PSG6: variants seen among roughly 807,000 people sequenced by gnomAD.
PSG6 encodes the protein pregnancy specific beta-1-glycoprotein 6.
A neutral mutation model predicts 43.3 loss-of-function variants in PSG6; 51 were observed. The observed-to-expected ratio is 1.18, with a 90% CI of 0.94 to 1.49. The LOEUF is 1.49. Ranked by LOEUF, PSG6 falls within the 40% of genes most tolerant of loss-of-function variation. The pLI is 0.00. For missense variants in PSG6, 770 were observed against 522.2 expected, an observed-to-expected ratio of 1.47 and a Z score of -4.62; for synonymous variants, 292 against 197.6, an observed-to-expected ratio of 1.48 and a Z score of -4.01.
At chr19:42,910,537 T>C (rs745569275) in intron 3 of PSG6, 43 bp downstream of exon 3, 6 of 1,612,316 alleles carry the variant, frequency 3.7e-6, no homozygotes, top group Non-Finnish European at 5.1e-6. Context: ...CCACTTGTAT[T>C]TGGGATGGCA....
In PSG6 at chr19:42,906,192, G is replaced by T. The variant is rs984926436; in HGVS notation, c.1240+730C>A. On this transcript the variant is annotated intron_variant, in intron 5 of 5. Coordinates refer to ENST00000187910, the MANE Select transcript of PSG6 (RefSeq NM_001031850.4). ...CATCAGTCACTGTCCTCCGTGCTGT[G>T]TCCCACGTGCTGTGCCCAAAGCCTC... is the stretch of plus-strand genomic sequence containing the variant. Among the ~76,000 whole-genome samples the T allele has an allele frequency of 2.9e-4, 44 of 151,578 alleles. 1 individual carries two copies. Among genetic ancestry groups the T allele is most frequent in the Non-Finnish European group, 1.0e-4 (7 of 67,886 alleles).
chr19:42,916,518 T>C, intron 1 of PSG6, 31 bp from the exon 2 acceptor site: 1 of 1,593,758 alleles, frequency 6.3e-7, no homozygotes, highest in South Asian at 1.2e-5. Flanking sequence ...CAGTTAATAT[T>C]TGGACCTATG....
At chr19:42,916,083 C>G (rs777881509) in intron 2 of PSG6, 42 bp downstream of exon 2, 1 of 1,604,432 alleles carries the variant, frequency 6.2e-7, no homozygotes, top group Non-Finnish European at 8.5e-7. Flanking sequence ...GTAGAAATGA[C>G]CCCTGCCCCC....
chr19:42,905,732 C>T (rs1972100907), intron 5 of PSG6, among the ~76,000 whole-genome samples: 1 of 151,660 alleles, frequency 6.6e-6, no homozygotes, highest in Admixed American at 6.6e-5. Flanking sequence ...AAATGTTATT[C>T]AACCTTAACA....
chr19:42,905,949 A>G (rs1972104467), intron 5 of PSG6, among the ~76,000 whole-genome samples: 1 of 151,646 alleles, frequency 6.6e-6, no homozygotes, highest in Admixed American at 6.6e-5. Flanking sequence ...TTTATTGGGT[A>G]CAGAGGTTTA....
chr19:42,913,513 G>A (rs1972266843), intron 2 of PSG6, among the ~76,000 whole-genome samples: 1 of 151,618 alleles, frequency 6.6e-6, no homozygotes, highest in Non-Finnish European at 1.5e-5. Flanking sequence ...TGTTAGAACC[G>A]AGTGACAAAT....
chr19:42,906,662 T>G (rs917759497), intron 5 of PSG6: 2 of 1,413,142 alleles, frequency 1.4e-6, no homozygotes, highest in South Asian at 1.5e-5. Context: ...TGAAGCCTCT[T>G]CTACCACATA....
chr19:42,910,485 C>T (rs777051939), intron 3 of PSG6, 95 bp downstream of exon 3: 3 of 1,611,758 alleles, frequency 1.9e-6, no homozygotes, highest in African/African-American at 2.7e-5. Flanking sequence ...ATAAAGGTCT[C>T]TGTACTTGGA....
intron 2 of PSG6, 134 bp from the exon 3 acceptor site, chr19:42,910,992 T>A (rs1269756336): frequency 1.5e-5 from 22 of 1,485,264 alleles, no homozygotes; most frequent in African/African-American, 2.8e-5. Flanking sequence ...GGTGTGTGTG[T>A]TACAAGACAG....
chr19:42,907,649 T>C lies in PSG6; in HGVS notation c.912A>G (p.Thr304=), dbSNP rs763650711. ...LILPSVTRNE[T]GPYQCEIRDR... is the part of the protein sequence containing the mutation. The stretch of plus-strand genomic sequence containing the variant: ...CCCGTATTTCACATTGATAGGGTCC[T>C]GTTTCATTTCTCGTGACACTGGGTA... Residue 304 remains threonine (T), a synonymous_variant, in exon 4 of 6, where the codon ACA becomes ACG. Coordinates refer to ENST00000187910, the MANE Select transcript of PSG6 (RefSeq NM_001031850.4). 6.2e-7 allele frequency: 1 copy of C among 1,611,642 alleles called. No homozygotes were observed. The highest frequency in any genetic ancestry group is 2.2e-5 in the East Asian group (1 of 44,804).
chr19:42,913,834 C>A (rs995829790), intron 2 of PSG6, among the ~76,000 whole-genome samples: 1 of 151,448 alleles, frequency 6.6e-6, no homozygotes, highest in Non-Finnish European at 1.5e-5. Flanking sequence ...AGATCATTTC[C>A]CTCCGCCCGC....
intron 3 of PSG6, among the ~76,000 whole-genome samples, chr19:42,908,380 G>A (rs3827010): frequency 0.16 from 23,860 of 151,572 alleles, 2,686 homozygotes; most frequent in East Asian, 0.42. Flanking sequence ...AATAACACAG[G>A]GAAGACCAGA....
At position 42,917,725 on chromosome 19, in the gene PSG6, T is replaced by C. The variant is rs200356085; in HGVS notation, c.64+4A>G. 57 of 1,609,408 alleles carry C rather than the reference T, an allele frequency of 3.5e-5. 1 individual carries two copies. Among genetic ancestry groups the C allele is most frequent in the Admixed American group, 3.3e-5 (2 of 59,768 alleles). ...TGTCCTCTCCCAGGAAGTCCTCTCC[T>C]CACCTGTGAGCAGGAGCCCCTTCCA... On this transcript the variant is annotated splice_donor_region_variant and intron_variant, in intron 1 of 5. Coordinates refer to ENST00000187910, the MANE Select transcript of PSG6 (RefSeq NM_001031850.4).
chr19:42,908,244 G>T (rs1361088558), intron 3 of PSG6, among the ~76,000 whole-genome samples: 8 of 151,646 alleles, frequency 5.3e-5, no homozygotes, highest in African/African-American at 9.7e-5. Flanking sequence ...TGCCCCCCTA[G>T]ATGTGATTTC....
chr19:42,908,107 G>A lies in PSG6; in HGVS notation c.707-253C>T, dbSNP rs573299164. On this transcript the variant is annotated intron_variant, in intron 3 of 5. Transcript: ENST00000187910. The stretch of plus-strand genomic sequence containing the variant: ...GCAGTGTTGGGTCATGGACAGACAC[G>A]TCAGTGGGAGTCACAGCCCCTGGTA... Among the ~76,000 whole-genome samples the A allele has an allele frequency of 1.6e-3, 236 of 151,730 alleles. 1 individual carries two copies. Among genetic ancestry groups the A allele is most frequent in the African/African-American group, 4.4e-3 (183 of 41,388 alleles).
intron 1 of PSG6, 74 bp from the exon 2 acceptor site, chr19:42,916,561 G>C: frequency 6.5e-7 from 1 of 1,528,736 alleles, no homozygotes; most frequent in South Asian, 1.3e-5. Context: ...CCTGTGTCCT[G>C]AGAAGGTCTC....
At chr19:42,906,332 C>T (rs1475529756) in intron 5 of PSG6, among the ~76,000 whole-genome samples, 2 of 151,470 alleles carry the variant, frequency 1.3e-5, no homozygotes, top group Non-Finnish European at 2.9e-5. Context: ...ACTGGCAGCT[C>T]GATTTAGCCA....
intron 1 of PSG6, 57 bp from the exon 2 acceptor site, chr19:42,916,544 A>T (rs1972338621): frequency 1.3e-6 from 2 of 1,563,438 alleles, no homozygotes; most frequent in African/African-American, 1.4e-5. Context: ...GGGTGAAAAG[A>T]TGGGGCCCTG....
intron 1 of PSG6, among the ~76,000 whole-genome samples, chr19:42,917,363 CTTTTTT>C (rs35188962): frequency 1.5e-4 from 18 of 123,326 alleles, no homozygotes; most frequent in African/African-American, 5.4e-4. Flanking sequence ...TCTTTTTATT[CTTTTTT>C]TTTTTTTTTT....
Sources: gnomAD v4.1 joint callset for allele counts (sites outside exome capture counted in the v4.1 genomes callset) on GRCh38, gnomAD v4.1.1 for gene constraint, MANE v1.5 for transcripts, NCBI Gene and HGNC (gene_info 2026-07-23, HGNC 2026-07-21) for gene names.